GRIA4: variants seen among roughly 807,000 people sequenced by gnomAD.
GRIA4 encodes the protein glutamate receptor 4.
Under a neutral mutation model 104.0 loss-of-function variants are expected in GRIA4, and 34 were observed. That is an observed-to-expected ratio of 0.33 (90% confidence interval 0.25 to 0.44). GRIA4 has a LOEUF of 0.44. Among genes scored for constraint, GRIA4 ranks in the 20% least tolerant of loss-of-function variants. The pLI is 1.00. For synonymous variants in GRIA4, 386 were observed against 381.9 expected, an observed-to-expected ratio of 1.01 and a Z score of -0.13; for missense variants, 750 against 1,096.5, an observed-to-expected ratio of 0.68 and a Z score of 4.46.
intron 3 of GRIA4, among the ~76,000 whole-genome samples, chr11:105,659,152 C>T (rs1951932471): frequency 6.6e-6 from 1 of 151,954 alleles, no homozygotes; most frequent in South Asian, 2.1e-4. Flanking sequence ...CACCCATCAT[C>T]CATGTGGTAG....
chr11:105,811,286 T>C (rs1343354978), intron 4 of GRIA4, among the ~76,000 whole-genome samples: 2 of 152,148 alleles, frequency 1.3e-5, no homozygotes, highest in Admixed American at 6.5e-5. Flanking sequence ...TCTTAGACTA[T>C]AGAAGAGATA....
intron 4 of GRIA4, among the ~76,000 whole-genome samples, chr11:105,820,042 G>A (rs944355313): frequency 5.3e-5 from 8 of 151,964 alleles, no homozygotes; most frequent in Admixed American, 1.3e-4. Flanking sequence ...CAAAGATTGC[G>A]GGAAAACCAC....
intron 3 of GRIA4, among the ~76,000 whole-genome samples, chr11:105,688,238 A>G (rs1952962672): frequency 6.6e-6 from 1 of 151,894 alleles, no homozygotes; most frequent in African/African-American, 2.4e-5. Context: ...AAGTCTCTGG[A>G]AAAGAAGAAT....
chr11:105,912,518 TTTTATATATATATAAATATATATATA>T (rs1463304108), intron 10 of GRIA4: 2 of 362,974 alleles, frequency 5.5e-6, no homozygotes, highest in Non-Finnish European at 7.5e-6. Context: ...AATCCAACTG[TTTTATATATATATAAATATATATATA>T]TTTATATATA....
chr11:105,934,037 G>A, intron 14 of GRIA4, 68 bp downstream of exon 14: 4 of 1,287,396 alleles, frequency 3.1e-6, no homozygotes, highest in Non-Finnish European at 3.2e-6. Context: ...ATGTGCCTGA[G>A]AGAATTATTT....
intron 4 of GRIA4, among the ~76,000 whole-genome samples, chr11:105,798,089 AAC>A (rs1475654035): frequency 3.3e-5 from 5 of 151,978 alleles, no homozygotes; most frequent in African/African-American, 1.2e-4. Flanking sequence ...CATAGACATA[AAC>A]ACACACACAT....
intron 13 of GRIA4, among the ~76,000 whole-genome samples, chr11:105,930,823 T>G (rs546314529): frequency 6.6e-6 from 1 of 152,288 alleles, no homozygotes; most frequent in East Asian, 1.9e-4. Context: ...AAAACAATAT[T>G]CACACTGATT....
intron 5 of GRIA4, among the ~76,000 whole-genome samples, chr11:105,863,510 T>A (rs1052796912): frequency 1.3e-5 from 2 of 152,144 alleles, no homozygotes; most frequent in African/African-American, 4.8e-5. Context: ...AAGTTGTAGC[T>A]ATTCAATGTA....
At chr11:105,646,617 G>C (rs1232861623) in intron 3 of GRIA4, among the ~76,000 whole-genome samples, 1 of 152,142 alleles carries the variant, frequency 6.6e-6, no homozygotes, top group Non-Finnish European at 1.5e-5. Context: ...GAACAGAATA[G>C]AGAACTTAGA....
At chr11:105,808,969 C>T (rs2135862403) in intron 4 of GRIA4, among the ~76,000 whole-genome samples, 1 of 151,930 alleles carries the variant, frequency 6.6e-6, no homozygotes, top group African/African-American at 2.4e-5. Context: ...GTCAGTTAGT[C>T]ATCATTTCTA....
rs193080944 is a variant in GRIA4, at chr11:105,829,887, A to C, written c.488-32137A>C. ...CATGTGAATGAATGTGAATTGGAGA[A>C]AGAGAAAATGTGCAGAAGAGAGCTG... On this transcript the variant is annotated intron_variant, in intron 4 of 16. Transcript: ENST00000282499. 2.4e-3 allele frequency among the ~76,000 whole-genome samples: 358 copies of C among 152,054 alleles called. 3 individuals carry two copies. The highest frequency in any genetic ancestry group is 8.1e-3 in the African/African-American group (338 of 41,532).
intron 12 of GRIA4, among the ~76,000 whole-genome samples, 185 bp downstream of exon 12, chr11:105,924,954 A>G (rs1033314698): frequency 4.6e-5 from 7 of 152,172 alleles, no homozygotes; most frequent in South Asian, 2.1e-4. Flanking sequence ...CATAAATATT[A>G]ACTTTCTCAA....
Position 105,903,985 on chromosome 11 carries a change from ACT to A in GRIA4, c.1053+6_1053+7del, listed in dbSNP as rs1946954878. On this transcript the variant is annotated splice_donor_5th_base_variant and intron_variant, in intron 8 of 16. Transcript: ENST00000282499. ...CATGGAGAGGACACTCAAACAGGTA[ACT>A]CACAATTTTATTTAAGTTCAATTCA... 1 of 1,575,882 alleles carries A rather than the reference ACT, an allele frequency of 6.3e-7. No homozygotes were observed.
chr11:105,905,451 T>A lies in GRIA4; in HGVS notation c.1158+150T>A, dbSNP rs1006275364. 1.0e-5 allele frequency: 6 copies of A among 579,918 alleles called. No individual in the cohort carries two copies. The Admixed American group carries it at 1.9e-4, about 18-fold the overall frequency. 35.9% of individuals were successfully genotyped at this position (579,918 alleles called of 1,614,324 possible). On this transcript the variant is annotated intron_variant, in intron 9 of 16. Coordinates refer to ENST00000282499, the MANE Select transcript of GRIA4 (RefSeq NM_000829.4). Reference sequence around the variant, plus strand: ...AGTACTTTCTTTATAATCAATGCTGTGATAAATGTGTGTGTCATGTAATTG... The same window carrying A: ...AGTACTTTCTTTATAATCAATGCTGAGATAAATGTGTGTGTCATGTAATTG...
chr11:105,833,104 T>C (rs909997237), intron 4 of GRIA4, among the ~76,000 whole-genome samples: 1 of 152,028 alleles, frequency 6.6e-6, no homozygotes, highest in Admixed American at 6.6e-5. Flanking sequence ...AGAATTTTAT[T>C]CTGAGAGCTT....
At chr11:105,943,149 T>C (rs1254349524) in intron 14 of GRIA4, among the ~76,000 whole-genome samples, 1 of 152,152 alleles carries the variant, frequency 6.6e-6, no homozygotes, top group African/African-American at 2.4e-5. Context: ...TTTTGGAATT[T>C]AAGTAAGTCA....
chr11:105,673,940 A>C (rs1936055836), intron 3 of GRIA4, among the ~76,000 whole-genome samples: 1 of 152,026 alleles, frequency 6.6e-6, no homozygotes. Context: ...CATATTTTTA[A>C]ATGCAAATGA....
At chr11:105,974,248 G>A in intron 15 of GRIA4, 62 bp from the exon 16 acceptor site, 1 of 1,531,592 alleles carries the variant, frequency 6.5e-7, no homozygotes, top group Non-Finnish European at 8.9e-7. Flanking sequence ...GATTTCATGT[G>A]TTCTTTTACC....
intron 3 of GRIA4, among the ~76,000 whole-genome samples, chr11:105,624,086 T>A (rs1950823843): frequency 6.6e-6 from 1 of 152,080 alleles, no homozygotes; most frequent in Non-Finnish European, 1.5e-5. Flanking sequence ...AAAATAAATA[T>A]TACATATTTT....
Sources: allele counts gnomAD v4.1 joint callset (sites outside exome capture counted in the v4.1 genomes callset), GRCh38; gene constraint gnomAD v4.1.1; transcripts MANE v1.5; gene names NCBI Gene and HGNC (gene_info 2026-07-23, HGNC 2026-07-21).